XKR4: variants seen among roughly 807,000 people sequenced by gnomAD.
XKR4 encodes the protein XK related 4.
In XKR4, 12 loss-of-function variants were observed where a neutral mutation model predicts 53.9. The observed-to-expected ratio is 0.22, with a 90% confidence interval of 0.14 to 0.36. XKR4 has a LOEUF of 0.36. Among genes scored for constraint, XKR4 ranks in the 10% least tolerant of loss-of-function variants. XKR4 has a pLI of 1.00. For synonymous variants in XKR4, 354 were observed against 362.4 expected (o/e 0.98, Z 0.26); for missense variants, 799 against 859.5 (o/e 0.93, Z 0.88).
chr8:55,234,342 T>C (rs917571526), intron 1 of XKR4, among the ~76,000 whole-genome samples: 1 of 152,210 alleles, frequency 6.6e-6, no homozygotes, highest in African/African-American at 2.4e-5. Flanking sequence ...CATTTATGGC[T>C]ACCTCGAACA....
intron 2 of XKR4, among the ~76,000 whole-genome samples, chr8:55,437,984 A>C (rs956464499): frequency 6.6e-6 from 1 of 151,988 alleles, no homozygotes; most frequent in African/African-American, 2.4e-5. Context: ...AAGAAGAAGA[A>C]GAAAGAAAGT....
chr8:55,257,907 T>C (rs1818463358), intron 1 of XKR4, among the ~76,000 whole-genome samples: 2 of 152,202 alleles, frequency 1.3e-5, no homozygotes, highest in Admixed American at 6.5e-5. Context: ...TGAGGTTGCC[T>C]TTCTGTTGGC....
intron 1 of XKR4, among the ~76,000 whole-genome samples, chr8:55,156,864 C>A (rs116284736): frequency 2.6e-5 from 4 of 152,148 alleles, no homozygotes; most frequent in African/African-American, 7.2e-5. Context: ...AACACGTTTC[C>A]GTAAACTTTC....
At position 55,270,442 on chromosome 8, in the gene XKR4, G is replaced by A. The variant is rs113395802; in HGVS notation, c.807-87236G>A. 6.5e-3 allele frequency among the ~76,000 whole-genome samples: 984 copies of A among 152,254 alleles called. 15 individuals carry two copies. Among genetic ancestry groups the A allele is most frequent in the African/African-American group, 0.022 (918 of 41,538 alleles). ...AGGAAGGGTTAGGAGTTTCCTTCAC[G>A]AACTGCCTCAGTGTGTCAGACCCAG... On this transcript the variant is annotated intron_variant, in intron 1 of 2. Coordinates refer to ENST00000327381, the MANE Select transcript of XKR4 (RefSeq NM_052898.2).
At chr8:55,211,331 C>T (rs1817726787) in intron 1 of XKR4, among the ~76,000 whole-genome samples, 2 of 152,316 alleles carry the variant, frequency 1.3e-5, no homozygotes, top group South Asian at 4.1e-4. Context: ...AGGAAAATTT[C>T]ATTGTCCCCC....
At chr8:55,392,782 C>A (rs1804461057) in intron 2 of XKR4, among the ~76,000 whole-genome samples, 2 of 152,208 alleles carry the variant, frequency 1.3e-5, no homozygotes, top group Non-Finnish European at 2.9e-5. Flanking sequence ...AAGAGCCAGA[C>A]CCTTTCTCAA....
intron 2 of XKR4, among the ~76,000 whole-genome samples, chr8:55,372,547 C>A: frequency 7.2e-6 from 1 of 139,450 alleles, no homozygotes. Flanking sequence ...TCCCAGATAG[C>A]TTTTTTTTTT....
chr8:55,477,296 G>T (rs113198733), intron 2 of XKR4, among the ~76,000 whole-genome samples: 1 of 152,044 alleles, frequency 6.6e-6, no homozygotes, highest in African/African-American at 2.4e-5. Flanking sequence ...AGGCAAACAG[G>T]GTCTGGAGTG....
chr8:55,451,505 C>A (rs1246503113), intron 2 of XKR4: 8 of 1,052,368 alleles, frequency 7.6e-6, no homozygotes, highest in Admixed American at 2.2e-5. Flanking sequence ...GGAGAAGGTG[C>A]GTTCTGGGCC....
At chr8:55,449,679 C>T in intron 2 of XKR4, 1 of 880,090 alleles carries the variant, frequency 1.1e-6, no homozygotes, top group South Asian at 1.3e-5. Flanking sequence ...ACAGCCTCCA[C>T]CTCCACCTCC....
intron 2 of XKR4, among the ~76,000 whole-genome samples, chr8:55,466,227 T>G (rs887127214): frequency 2.4e-4 from 37 of 152,186 alleles, no homozygotes; most frequent in Middle Eastern, 3.4e-3. Context: ...GCAAAGACTT[T>G]GAACCAACCC....
chr8:55,334,155 C>T (rs886342654), intron 1 of XKR4, among the ~76,000 whole-genome samples: 3 of 152,052 alleles, frequency 2.0e-5, no homozygotes, highest in Non-Finnish European at 4.4e-5. Context: ...AGGACATTAC[C>T]TCATAGATGT....
In XKR4 at chr8:55,534,575, C is replaced by T. The variant is rs140731836; in HGVS notation, c.*10348C>T. 6.9e-3 allele frequency: 1,050 copies of T among 151,228 alleles called. 61 individuals carry two copies. The East Asian group carries it at 0.15, about 21-fold the overall frequency. The allele number at this position is 151,228 out of a possible 1,614,324, so 9.4% of individuals were successfully genotyped here. A position where few individuals can be genotyped will look rare whatever the true frequency, so the allele number is the denominator to read the frequency against. On this transcript the variant is annotated 3_prime_UTR_variant, in exon 3 of 3. Transcript: ENST00000327381. Reference sequence around the variant, plus strand: ...ATTTTTTAGTAGAGATGGGGTTTCACCGTGTTAGCCAGAATGGTCTCGATC... The same window carrying T: ...ATTTTTTAGTAGAGATGGGGTTTCATCGTGTTAGCCAGAATGGTCTCGATC...
At chr8:55,380,001 C>T (rs957911227) in intron 2 of XKR4, among the ~76,000 whole-genome samples, 2 of 152,224 alleles carry the variant, frequency 1.3e-5, no homozygotes, top group Admixed American at 1.3e-4. Context: ...GCATTGAGCT[C>T]AAAGCCAGGC....
intron 2 of XKR4, among the ~76,000 whole-genome samples, chr8:55,427,462 C>T (rs148536291): frequency 2.1e-3 from 319 of 152,282 alleles, no homozygotes; most frequent in African/African-American, 7.4e-3. Context: ...CCCCCTGCCT[C>T]GACCTCCCAA....
chr8:55,469,776 C>G (rs959671798), intron 2 of XKR4, among the ~76,000 whole-genome samples: 1 of 152,074 alleles, frequency 6.6e-6, no homozygotes, highest in Non-Finnish European at 1.5e-5. Flanking sequence ...TATGAGCTAA[C>G]TAGGAACAAA....
intron 2 of XKR4, among the ~76,000 whole-genome samples, chr8:55,483,810 G>A (rs562251384): frequency 6.6e-6 from 1 of 151,938 alleles, no homozygotes; most frequent in African/African-American, 2.4e-5. Context: ...TGCAAAACAG[G>A]AGGGAGGAAA....
rs373580566 is a variant in XKR4, at chr8:55,223,808, T to G, written c.806+120514T>G. Reference sequence around the variant, plus strand: ...CTTTCGCCGGAGGGCAACAGATTTTTGGGGCTGAAGAGAGATAGTTGGGTT... The same window carrying G: ...CTTTCGCCGGAGGGCAACAGATTTTGGGGGCTGAAGAGAGATAGTTGGGTT... On this transcript the variant is annotated intron_variant, in intron 1 of 2. Coordinates refer to ENST00000327381, the MANE Select transcript of XKR4 (RefSeq NM_052898.2). Among the ~76,000 whole-genome samples, 464 of 152,270 alleles carry G rather than the reference T, an allele frequency of 3.0e-3. 5 individuals are homozygous for G. The highest frequency in any genetic ancestry group is 0.011 in the African/African-American group (442 of 41,566).
chr8:55,219,334 G>T (rs1050579187), intron 1 of XKR4, among the ~76,000 whole-genome samples: 1 of 152,158 alleles, frequency 6.6e-6, no homozygotes, highest in Non-Finnish European at 1.5e-5. Flanking sequence ...TGCAGTTCAT[G>T]CTGAGAGTAG....
Sources: gnomAD v4.1 joint callset for allele counts (sites outside exome capture counted in the v4.1 genomes callset) on GRCh38, gnomAD v4.1.1 for gene constraint, MANE v1.5 for transcripts, NCBI Gene and HGNC (gene_info 2026-07-23, HGNC 2026-07-21) for gene names.